The following PIAS2 variants were observed in gnomAD, a reference collection of about 807,000 sequenced individuals.
PIAS2 encodes protein inhibitor of activated STAT 2, also known as E3 SUMO-protein ligase PIAS2.
In PIAS2, 19 loss-of-function variants were observed where a neutral mutation model predicts 69.7. The ratio of observed to expected loss-of-function variants is 0.27; its 90% CI spans 0.19 to 0.40. The LOEUF (loss-of-function observed/expected upper bound fraction) is 0.40. PIAS2 is among the 10% of genes least tolerant of loss of function. PIAS2 has a pLI of 1.00. For synonymous variants in PIAS2, 261 were observed against 263.2 expected (o/e 0.99, Z 0.08); for missense variants, 624 against 757.0 (o/e 0.82, Z 2.06).
chr18:46,896,165 C>CAAAAAAAAAAAAAAAAAAAAAAAAG (rs1199712335), intron 1 of PIAS2, among the ~76,000 whole-genome samples: 1 of 31,952 alleles, frequency 3.1e-5, no homozygotes, highest in African/African-American at 1.2e-4. Flanking sequence ...AAGAAAAAAG[C>CAAAAAAAAAAAAAAAAAAAAAAAAG]AAAAAAAAAA....
chr18:46,892,819 C>T lies in PIAS2; in HGVS notation c.25-1765G>A, dbSNP rs543223390. On this transcript the variant is annotated intron_variant, in intron 1 of 13. Transcript: ENST00000585916. Reference sequence around the variant, plus strand: ...AATTTACATTAACATAGTTATTTAACCCAATATATCAAAACTATCTTTTCA... The same window carrying T: ...AATTTACATTAACATAGTTATTTAATCCAATATATCAAAACTATCTTTTCA... Among the ~76,000 whole-genome samples, 170 of 152,130 alleles carry T rather than the reference C, an allele frequency of 1.1e-3. 1 individual carries two copies. The highest frequency in any genetic ancestry group is 3.9e-3 in the African/African-American group (161 of 41,508).
chr18:46,884,470 G>A (rs535164884), intron 2 of PIAS2, among the ~76,000 whole-genome samples: 60 of 151,580 alleles, frequency 4.0e-4, no homozygotes, highest in Non-Finnish European at 7.5e-4. Context: ...CCGCCACCAC[G>A]CCGGCTAATT....
At chr18:46,849,888 T>C (rs1347960256) in intron 5 of PIAS2, among the ~76,000 whole-genome samples, 1 of 152,130 alleles carries the variant, frequency 6.6e-6, no homozygotes, top group African/African-American at 2.4e-5. Flanking sequence ...TACACATTTC[T>C]TTTTGTCCTT....
At chr18:46,919,356 C>G (rs1440040846), upstream of PIAS2, among the ~76,000 whole-genome samples, 1 of 152,090 alleles carries the variant, frequency 6.6e-6, no homozygotes, top group East Asian at 1.9e-4. Context: ...CGTGGTGGCG[C>G]ATTCCTGTAA....
Position 46,821,162 on chromosome 18 carries a change from G to A in PIAS2, c.1509-90C>T, listed in dbSNP as rs528655207. 22 of 1,349,080 alleles carry A rather than the reference G, an allele frequency of 1.6e-5. No homozygotes were observed. The Admixed American group carries it at 1.8e-4, about 11-fold the overall frequency. The allele number at this position is 1,349,080 out of a possible 1,614,324, so 83.6% of individuals were successfully genotyped here. A position where few individuals can be genotyped will look rare whatever the true frequency, so the allele number is the denominator to read the frequency against. On this transcript the variant is annotated intron_variant, in intron 11 of 13. Transcript: ENST00000585916. ...CACCACTGGGCATTCTCAGTCGTTC[G>A]TTCACCAGTTTCAGCACAACTATAT...
intron 8 of PIAS2, among the ~76,000 whole-genome samples, chr18:46,838,544 T>C (rs1404915027): frequency 1.3e-5 from 2 of 152,348 alleles, no homozygotes; most frequent in Non-Finnish European, 2.9e-5. Context: ...TGTGGCACGA[T>C]ATAACTCATC....
In PIAS2 at chr18:46,880,584, C is replaced by A. The variant is rs535530417; in HGVS notation, c.499+9996G>T. Among the ~76,000 whole-genome samples the A allele has an allele frequency of 1.2e-4, 18 of 152,066 alleles. No homozygotes were observed. In the South Asian group the frequency reaches 3.1e-3, roughly 26 times the overall value. On this transcript the variant is annotated intron_variant, in intron 2 of 13. Coordinates refer to ENST00000585916, the MANE Select transcript of PIAS2 (RefSeq NM_004671.5). ...CTCCAGCCTGGGCAACACAGTGAGA[C>A]CCCCGTCTACTAAAAAAGTAAAAAA... is the stretch of plus-strand genomic sequence containing the variant.
At chr18:46,844,874 G>T in intron 6 of PIAS2, 35 bp from the exon 7 acceptor site, 2 of 820,602 alleles carry the variant, frequency 2.4e-6, no homozygotes, top group Non-Finnish European at 3.8e-6. Context: ...CATTAAAGAT[G>T]AGAGATAATA....
In PIAS2 at chr18:46,917,423, G is replaced by A. The variant is rs1311461743; in HGVS notation, c.-78C>T. ...CCGCCAACGACGCTGCCGCCACCAC[G>A]GCCGCCGCCGCCTCCAGCACCATCC... On this transcript the variant is annotated 5_prime_UTR_variant, in exon 1 of 14. Transcript: ENST00000585916. 4 of 1,365,576 alleles carry A rather than the reference G, an allele frequency of 2.9e-6. No homozygotes were observed. The highest frequency in any genetic ancestry group is 1.7e-5 in the South Asian group (1 of 59,196). The allele number at this position is 1,365,576 out of a possible 1,614,324, so 84.6% of individuals were successfully genotyped here.
chr18:46,879,426 G>C (rs1010708796), intron 2 of PIAS2, among the ~76,000 whole-genome samples: 6 of 151,534 alleles, frequency 4.0e-5, no homozygotes, highest in Non-Finnish European at 7.3e-5. Context: ...ATGAGGACAG[G>C]GAGAAACTGG....
At chr18:46,832,815 C>T (rs2043854254) in intron 9 of PIAS2, among the ~76,000 whole-genome samples, 1 of 148,184 alleles carries the variant, frequency 6.7e-6, no homozygotes, top group Admixed American at 6.8e-5. Context: ...TCACTTGAAC[C>T]TGGGGGGTGG....
At chr18:46,842,376 T>C (rs2045549215) in intron 8 of PIAS2, among the ~76,000 whole-genome samples, 1 of 151,726 alleles carries the variant, frequency 6.6e-6, no homozygotes, top group Non-Finnish European at 1.5e-5. Flanking sequence ...GCAAACTGTA[T>C]GAAGAAAAAA....
At chr18:46,869,146 C>A (rs1038716473) in intron 2 of PIAS2, among the ~76,000 whole-genome samples, 1 of 152,182 alleles carries the variant, frequency 6.6e-6, no homozygotes, top group Non-Finnish European at 1.5e-5. Context: ...ATGGCAGATT[C>A]CTGTTGTGGG....
At chr18:46,894,033 G>T (rs1275633168) in intron 1 of PIAS2, among the ~76,000 whole-genome samples, 3 of 152,126 alleles carry the variant, frequency 2.0e-5, no homozygotes, top group African/African-American at 7.2e-5. Flanking sequence ...GGCTGAGGCA[G>T]GAGAATTTCT....
At chr18:46,848,560 C>T (rs971383268) in intron 5 of PIAS2, among the ~76,000 whole-genome samples, 1 of 152,026 alleles carries the variant, frequency 6.6e-6, no homozygotes, top group African/African-American at 2.4e-5. Context: ...AGGAACACAC[C>T]CTGTCTACCA....
At chr18:46,884,473 G>A (rs868045868) in intron 2 of PIAS2, among the ~76,000 whole-genome samples, 5 of 151,506 alleles carry the variant, frequency 3.3e-5, no homozygotes, top group Non-Finnish European at 7.4e-5. Context: ...CCACCACGCC[G>A]GCTAATTTTT....
At chr18:46,847,623 A>G (rs2046345997) in intron 5 of PIAS2, among the ~76,000 whole-genome samples, 2 of 151,900 alleles carry the variant, frequency 1.3e-5, no homozygotes, top group African/African-American at 4.8e-5. Context: ...CTGGGACTAC[A>G]GGCGCCTGCC....
chr18:46,902,219 T>A (rs547478400), intron 1 of PIAS2, among the ~76,000 whole-genome samples: 1 of 149,794 alleles, frequency 6.7e-6, no homozygotes, highest in Non-Finnish European at 1.5e-5. Context: ...ACAGGACTTA[T>A]ATGCTGAAAG....
chr18:46,888,842 G>T (rs1222383051), intron 2 of PIAS2, among the ~76,000 whole-genome samples: 1 of 151,864 alleles, frequency 6.6e-6, no homozygotes, highest in Non-Finnish European at 1.5e-5. Context: ...CTCCCGCTGT[G>T]CGACCTGGTT....
Sources: allele counts gnomAD v4.1 joint callset (sites outside exome capture counted in the v4.1 genomes callset), GRCh38; gene constraint gnomAD v4.1.1; transcripts MANE v1.5; gene names NCBI Gene and HGNC (gene_info 2026-07-23, HGNC 2026-07-21).